MAP4: variants seen among roughly 807,000 people sequenced by gnomAD.
MAP4 encodes the protein microtubule associated protein 4, also known as microtubule-associated protein 4.
A neutral mutation model predicts 170.2 loss-of-function variants in MAP4; 76 were observed. The ratio of observed to expected loss-of-function variants is 0.45; its 90% CI spans 0.37 to 0.54. The LOEUF is 0.54. MAP4 is among the 20% of genes least tolerant of loss of function. The pLI, the probability that MAP4 is intolerant of heterozygous loss-of-function variation, is 0.00. For missense variants in MAP4, 2,506 were observed against 2,748.0 expected, an observed-to-expected ratio of 0.91 and a Z score of 1.97; for synonymous variants, 909 against 994.5, an observed-to-expected ratio of 0.91 and a Z score of 1.62.
chr3:47,920,617 T>C (rs972253865), intron 5 of MAP4, among the ~76,000 whole-genome samples: 2 of 148,238 alleles, frequency 1.3e-5, no homozygotes, highest in African/African-American at 2.5e-5. Flanking sequence ...AGTGGCATGA[T>C]CATGGCTCAA....
At chr3:48,040,099 C>G (rs1236383719) in intron 1 of MAP4, among the ~76,000 whole-genome samples, 2 of 152,100 alleles carry the variant, frequency 1.3e-5, no homozygotes, top group African/African-American at 4.8e-5. Context: ...AGGACTACAG[C>G]TCAAAAACAA....
At chr3:48,006,429 TA>T (rs1559780161) in intron 1 of MAP4, among the ~76,000 whole-genome samples, 1 of 152,096 alleles carries the variant, frequency 6.6e-6, no homozygotes, top group Non-Finnish European at 1.5e-5. Flanking sequence ...GTCAGGTAAT[TA>T]ATGAAGTTTT....
Position 48,077,480 on chromosome 3 carries a change from A to G in MAP4, c.-20+11293T>C, listed in dbSNP as rs1269048926. On this transcript the variant is annotated intron_variant, in intron 1 of 18. Transcript: ENST00000360240. ...AAAAAAGAAAGAAAGAAAGAGAAGA[A>G]AAAAATAATTTTCTGGTTTTAATTT... 2.0e-5 allele frequency among the ~76,000 whole-genome samples: 3 copies of G among 151,500 alleles called. No homozygotes were observed. In the South Asian group the frequency reaches 6.2e-4, roughly 31 times the overall value.
intron 9 of MAP4, among the ~76,000 whole-genome samples, chr3:47,908,350 CTA>C (rs1475079075): frequency 1.3e-5 from 2 of 152,110 alleles, no homozygotes; most frequent in Non-Finnish European, 2.9e-5. Flanking sequence ...GTTTTATGGA[CTA>C]TGTTTGATGG....
intron 4 of MAP4, among the ~76,000 whole-genome samples, chr3:47,926,403 C>T (rs1384366713): frequency 2.0e-5 from 3 of 151,962 alleles, no homozygotes; most frequent in African/African-American, 7.2e-5. Flanking sequence ...GGGCTGGCCT[C>T]GAACTCCTGA....
At chr3:47,859,254 C>G (rs2061788440) in intron 17 of MAP4, among the ~76,000 whole-genome samples, 1 of 152,196 alleles carries the variant, frequency 6.6e-6, no homozygotes, top group Non-Finnish European at 1.5e-5. Context: ...GAGAGCCTGA[C>G]TTTCCAACAC....
At chr3:47,982,785 G>GA (rs2100086145) in intron 2 of MAP4, among the ~76,000 whole-genome samples, 1 of 152,084 alleles carries the variant, frequency 6.6e-6, no homozygotes, top group African/African-American at 2.4e-5. Flanking sequence ...GGAATCAAAT[G>GA]AAAGTAAAGC....
intron 1 of MAP4, among the ~76,000 whole-genome samples, chr3:48,023,342 C>A (rs1389007107): frequency 6.6e-6 from 1 of 151,950 alleles, no homozygotes; most frequent in African/African-American, 2.4e-5. Flanking sequence ...TAAGATGGAT[C>A]CATAAAGAAG....
At chr3:47,982,045 G>A (rs1336634852) in intron 2 of MAP4, among the ~76,000 whole-genome samples, 2 of 152,120 alleles carry the variant, frequency 1.3e-5, no homozygotes, top group African/African-American at 4.8e-5. Context: ...AGCAATTTGG[G>A]AAGCCAAGGT....
At chr3:47,897,488 T>A (rs926360663) in intron 10 of MAP4, among the ~76,000 whole-genome samples, 1 of 152,200 alleles carries the variant, frequency 6.6e-6, no homozygotes, top group East Asian at 1.9e-4. Context: ...ATAATTTAAT[T>A]CTTTTGTGAT....
At chr3:48,068,922 T>C (rs887411696) in intron 1 of MAP4, among the ~76,000 whole-genome samples, 6 of 152,214 alleles carry the variant, frequency 3.9e-5, no homozygotes, top group African/African-American at 1.4e-4. Flanking sequence ...AAAGTCAGTG[T>C]TTTAAAGTCA....
chr3:47,983,314 T>A (rs2100086478), intron 2 of MAP4, among the ~76,000 whole-genome samples: 1 of 152,148 alleles, frequency 6.6e-6, no homozygotes, highest in Non-Finnish European at 1.5e-5. Flanking sequence ...GTTCAAATGA[T>A]CCTCCTCCCT....
chr3:48,062,513 A>AAAC (rs1553749463), intron 1 of MAP4, among the ~76,000 whole-genome samples: 2 of 150,516 alleles, frequency 1.3e-5, no homozygotes, highest in East Asian at 3.9e-4. Context: ...AAAAAAAAAA[A>AAAC]AAAACATCAC....
chr3:48,021,953 G>A (rs936710428), intron 1 of MAP4, among the ~76,000 whole-genome samples: 4 of 151,990 alleles, frequency 2.6e-5, no homozygotes, highest in Non-Finnish European at 4.4e-5. Flanking sequence ...CCAAGAAAGA[G>A]GCCAATGTAC....
In MAP4 at chr3:47,992,036, G is replaced by A. The variant is rs115735055; in HGVS notation, c.223+6602C>T. 4.3e-3 allele frequency among the ~76,000 whole-genome samples: 646 copies of A among 150,476 alleles called. 5 individuals are homozygous for A. Among genetic ancestry groups the A allele is most frequent in the African/African-American group, 0.014 (589 of 41,110 alleles). ...CAGTAGTTTACTGAACCTCATCTAA[G>A]AACAAAATCAAACTTAAAGTTAGAT... is the stretch of plus-strand genomic sequence containing the variant. On this transcript the variant is annotated intron_variant, in intron 2 of 20. Coordinates refer to ENST00000683076, the MANE Select transcript of MAP4 (RefSeq NM_001385682.1).
At position 47,916,059 on chromosome 3, in the gene MAP4, T is replaced by C. The variant is rs1173294024; in HGVS notation, c.1768A>G (p.Lys590Glu). The change falls in exon 7 of 21, where the codon AAA becomes GAA. Residue 590 changes from lysine (K) to glutamate (E), a missense_variant. Physicochemically the swap from Lys to Glu is moderately conservative, Grantham distance 56 (BLOSUM62 1). This residue lies in a region of MAP4 where 2,008 missense variants were observed against 2,206.0 expected (regional missense o/e 0.91). Coordinates refer to ENST00000683076, the MANE Select transcript of MAP4 (RefSeq NM_001385682.1). The part of the protein sequence containing the change: ...SETEATPVPI[K>E]DMEIAQTQKG... The stretch of plus-strand genomic sequence containing the variant: ...TGTGTTTGTGCAATTTCCATGTCTT[T>C]AATTGGAACTGGTGTTGCCTCTGTT... The C allele has an allele frequency of 6.2e-7, 1 of 1,614,256 alleles. No homozygotes were observed.
At chr3:48,043,333 T>G (rs145964814) in intron 1 of MAP4, among the ~76,000 whole-genome samples, 1 of 152,252 alleles carries the variant, frequency 6.6e-6, no homozygotes, top group African/African-American at 2.4e-5. Flanking sequence ...ACTCCTGGCC[T>G]CAAGTGATCT....
chr3:47,918,699 G>C lies in MAP4; in HGVS notation c.652+20C>G. 1 of 1,590,142 alleles carries C rather than the reference G, an allele frequency of 6.3e-7. No individual in the cohort carries two copies. The highest frequency in any genetic ancestry group is 8.6e-7 in the Non-Finnish European group (1 of 1,159,406). On this transcript the variant is annotated intron_variant, in intron 6 of 20. Transcript: ENST00000683076. ...AATACTGCAACCATTAACTGATAAAGGGAGTCTCTAATAGTTTACCTGCCG... is the reference window on the plus strand; with the variant it reads ...AATACTGCAACCATTAACTGATAAACGGAGTCTCTAATAGTTTACCTGCCG...
At chr3:48,075,974 C>CAAAA (rs60556044) in intron 1 of MAP4, among the ~76,000 whole-genome samples, 2 of 47,576 alleles carry the variant, frequency 4.2e-5, no homozygotes, top group Admixed American at 2.3e-4. Context: ...AACTCCATCT[C>CAAAA]AAAAAAAAAA....
Sources: gnomAD v4.1 joint callset for allele counts (sites outside exome capture counted in the v4.1 genomes callset) on GRCh38, gnomAD v4.1.1 for gene constraint, gnomAD v4.1.1 regional missense constraint, MANE v1.5 for transcripts, NCBI Gene and HGNC (gene_info 2026-07-23, HGNC 2026-07-21) for gene names.